Variants in CHN2 observed in about 807,000 individuals in gnomAD.
The protein encoded by CHN2 is beta-chimaerin.
Under a neutral mutation model 56.3 loss-of-function variants are expected in CHN2, and 35 were observed. That is an observed-to-expected ratio of 0.62 (90% CI 0.47 to 0.82). The LOEUF (loss-of-function observed/expected upper bound fraction) is 0.82, where lower values mean the gene tolerates loss of function less well. Ranked by LOEUF, CHN2 falls within the 40% of genes least tolerant of loss-of-function variation. CHN2 has a pLI of 0.00. For synonymous variants in CHN2, 210 were observed against 212.8 expected (o/e 0.99, Z 0.12); for missense variants, 491 against 580.5 (o/e 0.85, Z 1.58).
chr7:29,361,511 T>C (rs1479144595), intron 2 of CHN2, among the ~76,000 whole-genome samples: 1 of 152,156 alleles, frequency 6.6e-6, no homozygotes, highest in African/African-American at 2.4e-5. Context: ...AAATAAGTCA[T>C]CAAATAATGA....
intron 1 of CHN2, among the ~76,000 whole-genome samples, chr7:29,332,501 C>T (rs922000670): frequency 6.6e-6 from 1 of 152,110 alleles, no homozygotes; most frequent in African/African-American, 2.4e-5. Context: ...TTTTCCCGGG[C>T]TGGTGATACG....
chr7:29,408,682 G>C (rs1044757315), intron 6 of CHN2, among the ~76,000 whole-genome samples: 1 of 152,168 alleles, frequency 6.6e-6, no homozygotes, highest in Admixed American at 6.5e-5. Context: ...ATTTAATGAA[G>C]GGGCAAGGAA....
At chr7:29,309,362 A>T (rs949035247) in intron 1 of CHN2, among the ~76,000 whole-genome samples, 6 of 152,114 alleles carry the variant, frequency 3.9e-5, no homozygotes, top group African/African-American at 1.4e-4. Flanking sequence ...GAGAAAGTGT[A>T]GACCCTTTCA....
chr7:29,349,362 A>G (rs142007085), intron 1 of CHN2, among the ~76,000 whole-genome samples: 92 of 152,324 alleles, frequency 6.0e-4, no homozygotes, highest in African/African-American at 2.0e-3. Context: ...TGATATTATT[A>G]CTCTCATTGT....
At chr7:29,190,762 C>T (rs765542437), upstream of CHN2, among the ~76,000 whole-genome samples, 1 of 152,176 alleles carries the variant, frequency 6.6e-6, no homozygotes, top group Non-Finnish European at 1.5e-5. Flanking sequence ...TCAGTGGTCA[C>T]AGCTACTAAC....
intron 1 of CHN2, among the ~76,000 whole-genome samples, chr7:29,225,699 G>A (rs763325897): frequency 2.0e-4 from 30 of 152,162 alleles, no homozygotes; most frequent in Non-Finnish European, 3.7e-4. Context: ...ACCTTATGAA[G>A]GTGCAAGGAG....
chr7:29,408,448 A>C (rs1433153119), intron 6 of CHN2, among the ~76,000 whole-genome samples: 1 of 152,148 alleles, frequency 6.6e-6, no homozygotes, highest in East Asian at 1.9e-4. Flanking sequence ...TATATTCCTG[A>C]GGCTCTTTTA....
At chr7:29,330,629 A>G (rs948025470) in intron 1 of CHN2, among the ~76,000 whole-genome samples, 1 of 152,216 alleles carries the variant, frequency 6.6e-6, no homozygotes, top group African/African-American at 2.4e-5. Flanking sequence ...AGCATCAAGA[A>G]CATATCATTG....
chr7:29,475,398 G>A (rs545463071), intron 6 of CHN2, among the ~76,000 whole-genome samples: 73 of 152,272 alleles, frequency 4.8e-4, no homozygotes, highest in African/African-American at 8.7e-4. Context: ...CCTGCTAGTC[G>A]TTGACAGACT....
chr7:29,255,338 A>G (rs1442436607), intron 1 of CHN2, among the ~76,000 whole-genome samples: 1 of 152,198 alleles, frequency 6.6e-6, no homozygotes, highest in African/African-American at 2.4e-5. Context: ...TGACAAAGGC[A>G]GGGCTCCTGT....
intron 1 of CHN2, among the ~76,000 whole-genome samples, chr7:29,225,914 C>G (rs996990024): frequency 6.6e-6 from 1 of 151,948 alleles, no homozygotes; most frequent in Non-Finnish European, 1.5e-5. Flanking sequence ...AATAAAACTC[C>G]CCAAATGGTA....
At chr7:29,417,436 C>T (rs999279226) in intron 6 of CHN2, among the ~76,000 whole-genome samples, 1 of 151,208 alleles carries the variant, frequency 6.6e-6, no homozygotes, top group African/African-American at 2.4e-5. Context: ...CCTGGGTTCA[C>T]GCCATTCTCC....
intron 1 of CHN2, among the ~76,000 whole-genome samples, chr7:29,238,118 A>G (rs1461987122): frequency 6.7e-6 from 1 of 149,128 alleles, no homozygotes; most frequent in East Asian, 2.0e-4. Flanking sequence ...CCCGGGTTCA[A>G]GCGATTTGCC....
In CHN2 at chr7:29,432,321, A is replaced by G. The variant is rs561492603; in HGVS notation, c.576+31493A>G. 4.6e-5 allele frequency among the ~76,000 whole-genome samples: 7 copies of G among 152,170 alleles called. No individual in the cohort carries two copies. The East Asian group carries it at 1.2e-3, about 25-fold the overall frequency. ...TAATACAGTGATGTCCCAATAGGCT[A>G]TTGGCATTCTTCAGGGGTCCAAGTT... On this transcript the variant is annotated intron_variant, in intron 6 of 12. Transcript: ENST00000222792.
upstream of CHN2, chr7:29,194,653 C>T (rs966991641): frequency 9.1e-6 from 3 of 328,486 alleles, no homozygotes; most frequent in Admixed American, 5.0e-5. Context: ...ATCCGCCCGT[C>T]CCGGCTGCCC....
At chr7:29,331,907 G>A (rs1796249209) in intron 1 of CHN2, among the ~76,000 whole-genome samples, 1 of 151,882 alleles carries the variant, frequency 6.6e-6, no homozygotes, top group South Asian at 2.1e-4. Context: ...AGCTACTCAG[G>A]AGGCTGAGGC....
Position 29,484,010 on chromosome 7 carries a change from T to C in CHN2, c.654+3654T>C, listed in dbSNP as rs537651348. ...CATTTGATGTTAGCATCTATTATTA[T>C]CTTTTTGTGCCTCTCACTTGTATTT... is the stretch of plus-strand genomic sequence containing the variant. On this transcript the variant is annotated intron_variant, in intron 7 of 12. Coordinates refer to ENST00000222792, the MANE Select transcript of CHN2 (RefSeq NM_004067.4). 3.4e-4 allele frequency: 209 copies of C among 612,868 alleles called. 3 individuals carry two copies. Among genetic ancestry groups the C allele is most frequent in the South Asian group, 3.0e-3 (200 of 66,982 alleles). 38.0% of individuals were successfully genotyped at this position (612,868 alleles called of 1,614,324 possible).
intron 1 of CHN2, among the ~76,000 whole-genome samples, chr7:29,290,659 A>C (rs574505484): frequency 2.0e-5 from 3 of 152,196 alleles, no homozygotes; most frequent in African/African-American, 7.2e-5. Context: ...GATGATATTT[A>C]TGGACAAATT....
At chr7:29,398,259 T>TCGA in intron 4 of CHN2, 114 bp from the exon 5 acceptor site, 1 of 733,488 alleles carries the variant, frequency 1.4e-6, no homozygotes, top group Non-Finnish European at 2.4e-6. Flanking sequence ...CCTTCTTCAC[T>TCGA]CAGTTGTGGG....
Sources: allele counts gnomAD v4.1 joint callset (sites outside exome capture counted in the v4.1 genomes callset), GRCh38; gene constraint gnomAD v4.1.1; transcripts MANE v1.5; gene names NCBI Gene and HGNC (gene_info 2026-07-23, HGNC 2026-07-21).